The following UBAP1 variants were observed in gnomAD, a reference collection of about 807,000 sequenced individuals.
UBAP1 encodes ubiquitin-associated protein 1.
UBAP1 carries 5 observed loss-of-function variants against 39.0 expected under a neutral mutation model. The observed-to-expected ratio is 0.13, with a 90% CI of 0.07 to 0.27. UBAP1 has a LOEUF of 0.27. Among genes scored for constraint, UBAP1 ranks in the 10% least tolerant of loss-of-function variants. UBAP1 has a pLI of 1.00. For missense variants in UBAP1, 490 were observed against 608.1 expected, an observed-to-expected ratio of 0.81 and a Z score of 2.04; for synonymous variants, 211 against 225.1, an observed-to-expected ratio of 0.94 and a Z score of 0.56.
chr9:34,227,457 C>A (rs1285070119), intron 2 of UBAP1, among the ~76,000 whole-genome samples: 1 of 152,152 alleles, frequency 6.6e-6, no homozygotes, highest in Non-Finnish European at 1.5e-5. Context: ...CACAATAATA[C>A]CTGAATTAAA....
rs1791707848 is a variant in UBAP1 at position 34,179,221 on chromosome 9, G to A, written c.-27G>A. The stretch of plus-strand genomic sequence containing the variant: ...CCAGCACCTTTCGGCTTCTGAGACG[G>A]CGGCAGCAGCGGCATTCAGGTGAGG... On this transcript the variant is annotated 5_prime_UTR_variant, in exon 1 of 7. Transcript: ENST00000297661. 4 of 1,232,958 alleles carry A rather than the reference G, an allele frequency of 3.2e-6. No homozygotes were observed. In the East Asian group the frequency reaches 1.3e-4, roughly 39 times the overall value. The allele number at this position is 1,232,958 out of a possible 1,614,324, so 76.4% of individuals were successfully genotyped here.
intron 4 of UBAP1, among the ~76,000 whole-genome samples, chr9:34,247,421 T>G (rs1834235527): frequency 6.6e-6 from 1 of 152,162 alleles, no homozygotes; most frequent in East Asian, 1.9e-4. Flanking sequence ...ATATCTTTTT[T>G]TCTTATTTAT....
intron 1 of UBAP1, among the ~76,000 whole-genome samples, chr9:34,219,282 T>G (rs1374722535): frequency 6.6e-6 from 1 of 151,952 alleles, no homozygotes; most frequent in Non-Finnish European, 1.5e-5. Flanking sequence ...GAGATGAGGT[T>G]TCACCATGTT....
intron 1 of UBAP1, among the ~76,000 whole-genome samples, chr9:34,204,231 G>A (rs1331934804): frequency 6.6e-6 from 1 of 152,254 alleles, no homozygotes; most frequent in African/African-American, 2.4e-5. Flanking sequence ...GGAGGCTAAG[G>A]CACAAGAATC....
At chr9:34,219,742 TCCC>T (rs1335747314) in intron 1 of UBAP1, among the ~76,000 whole-genome samples, 28 of 15,130 alleles carry the variant, frequency 1.9e-3, no homozygotes, top group Admixed American at 3.6e-3. Flanking sequence ...CCCTCCCCCT[TCCC>T]CTCCCCTCCC....
intron 1 of UBAP1, among the ~76,000 whole-genome samples, chr9:34,217,611 C>T (rs991200334): frequency 3.4e-5 from 5 of 149,222 alleles, no homozygotes; most frequent in South Asian, 2.1e-4. Flanking sequence ...GGCACATGTG[C>T]GGTTTGTTAC....
chr9:34,183,226 A>G (rs1297056541), intron 1 of UBAP1, among the ~76,000 whole-genome samples: 5 of 152,112 alleles, frequency 3.3e-5, no homozygotes, highest in African/African-American at 1.2e-4. Context: ...CAAGAAATGC[A>G]AAAAGGTAAT....
intron 2 of UBAP1, among the ~76,000 whole-genome samples, chr9:34,222,653 T>C: frequency 6.6e-6 from 1 of 151,802 alleles, no homozygotes; most frequent in Non-Finnish European, 1.5e-5. Flanking sequence ...AAAAATTAGC[T>C]GGGTATGCTG....
chr9:34,182,615 CCTTCTTTCTTTCTTT>C (rs1830108183), intron 1 of UBAP1, among the ~76,000 whole-genome samples: 1 of 145,144 alleles, frequency 6.9e-6, no homozygotes, highest in African/African-American at 2.6e-5. Flanking sequence ...TTCTTTCTTT[CCTTCTTTCTTTCTTT>C]CTTTCTTTCT....
intron 2 of UBAP1, among the ~76,000 whole-genome samples, chr9:34,226,384 G>A (rs923829411): frequency 3.3e-5 from 5 of 151,830 alleles, no homozygotes; most frequent in African/African-American, 7.3e-5. Context: ...TTATAGGTGC[G>A]CACCACCATG....
chr9:34,250,766 A>G lies in UBAP1; in HGVS notation c.1368+7A>G. 6.2e-7 allele frequency: 1 copy of G among 1,610,344 alleles called. No homozygotes were observed. The highest frequency in any genetic ancestry group is 8.5e-7 in the Non-Finnish European group (1 of 1,176,910). On this transcript the variant is annotated splice_region_variant and intron_variant, in intron 6 of 6. Coordinates refer to ENST00000297661, the MANE Select transcript of UBAP1 (RefSeq NM_016525.5). ...CCAGTGTTCAGAAGAAAAGGTGGGA[A>G]TCTTCATGTTTCTTGGGAACCCTCT...
intron 2 of UBAP1, among the ~76,000 whole-genome samples, chr9:34,228,580 C>CTTTTTTTT (rs1486311316): frequency 7.3e-6 from 1 of 136,638 alleles, no homozygotes; most frequent in Non-Finnish European, 1.5e-5. Flanking sequence ...CCCCCCCCCC[C>CTTTTTTTT]TTTTTTTTTT....
At chr9:34,246,977 C>A (rs1834210927) in intron 4 of UBAP1, among the ~76,000 whole-genome samples, 1 of 152,138 alleles carries the variant, frequency 6.6e-6, no homozygotes, top group South Asian at 2.1e-4. Flanking sequence ...CCAGAGTCAA[C>A]CTTTGCCCCT....
chr9:34,231,127 A>ATATG (rs1554651700), intron 2 of UBAP1, among the ~76,000 whole-genome samples: 3 of 137,026 alleles, frequency 2.2e-5, no homozygotes, highest in Admixed American at 7.3e-5. Flanking sequence ...TAAAAAAATT[A>ATATG]TGTGTGTGTG....
At position 34,218,592 on chromosome 9, in the gene UBAP1, A is replaced by G. The variant is rs542666641; in HGVS notation, c.-7-2316A>G. Among the ~76,000 whole-genome samples the G allele has an allele frequency of 2.4e-4, 37 of 152,280 alleles. 1 individual carries two copies. The highest frequency in any genetic ancestry group is 3.8e-4 in the Non-Finnish European group (26 of 68,020). ...GAAAACAGATTTCTGGTATGTGCCT[A>G]CGTGGGAAGGTTGAGGCTGCTAAGA... On this transcript the variant is annotated intron_variant, in intron 1 of 6. Transcript: ENST00000297661.
intron 1 of UBAP1, among the ~76,000 whole-genome samples, chr9:34,193,205 G>C (rs1004952624): frequency 6.6e-6 from 1 of 152,074 alleles, no homozygotes; most frequent in African/African-American, 2.4e-5. Flanking sequence ...AGTTACTCAG[G>C]GGGGCTGAGG....
intron 3 of UBAP1, 27 bp downstream of exon 3, chr9:34,234,367 T>C (rs768747811): frequency 2.5e-6 from 4 of 1,572,702 alleles, no homozygotes; most frequent in African/African-American, 1.4e-5. Flanking sequence ...AGTTAAAGTT[T>C]AGTGCATTTA....
chr9:34,201,791 A>G (rs1277931183), intron 1 of UBAP1, among the ~76,000 whole-genome samples: 1 of 152,072 alleles, frequency 6.6e-6, no homozygotes, highest in Admixed American at 6.5e-5. Context: ...GCAGTCTCCA[A>G]GATTGCCCCC....
At chr9:34,209,775 T>C (rs1473977570) in intron 1 of UBAP1, among the ~76,000 whole-genome samples, 2 of 152,150 alleles carry the variant, frequency 1.3e-5, no homozygotes, top group Admixed American at 1.3e-4. Context: ...TTAATCCTCT[T>C]ATAGGTGCTT....
Sources: allele counts gnomAD v4.1 joint callset (sites outside exome capture counted in the v4.1 genomes callset), GRCh38; gene constraint gnomAD v4.1.1; transcripts MANE v1.5; gene names NCBI Gene and HGNC (gene_info 2026-07-23, HGNC 2026-07-21).